CELF2: variants seen among roughly 807,000 people sequenced by gnomAD.
CELF2 encodes the protein CUGBP Elav-like family member 2, also known as CUG triplet repeat RNA-binding protein 2.
A neutral mutation model predicts 62.6 loss-of-function variants in CELF2; 8 were observed. The observed-to-expected ratio is 0.13, with a 90% confidence interval of 0.07 to 0.23. The LOEUF (loss-of-function observed/expected upper bound fraction) is 0.23. CELF2 is among the 10% of genes least tolerant of loss of function. The pLI is 1.00. For missense variants in CELF2, 333 were observed against 671.0 expected (o/e 0.50, Z 5.56); for synonymous variants, 258 against 250.0 (o/e 1.03, Z -0.30).
chr10:10,696,955 C>T, the CELF2 span, among the ~76,000 whole-genome samples: 76 of 152,296 alleles, frequency 5.0e-4, no homozygotes, highest in African/African-American at 1.7e-3. Context: ...GCGTCGCTCA[C>T]GCTGGGAGCT....
At chr10:10,889,512 C>G (rs925957491) in intron 1 of CELF2, among the ~76,000 whole-genome samples, 3 of 152,226 alleles carry the variant, frequency 2.0e-5, no homozygotes, top group East Asian at 1.9e-4. Flanking sequence ...TGCATATACT[C>G]TATCAGAACT....
the CELF2 span, among the ~76,000 whole-genome samples, chr10:10,749,279 T>G: frequency 6.6e-6 from 1 of 152,206 alleles, no homozygotes; most frequent in Non-Finnish European, 1.5e-5. Flanking sequence ...TTAGAGCTTC[T>G]GTGAGCGTGG....
At chr10:11,235,943 A>T (rs2071093503) in intron 3 of CELF2, among the ~76,000 whole-genome samples, 1 of 152,232 alleles carries the variant, frequency 6.6e-6, no homozygotes, top group African/African-American at 2.4e-5. Flanking sequence ...CCCAAAGGCC[A>T]TGGAGGTAAA....
At chr10:10,875,575 A>G (rs1049575915) in intron 1 of CELF2, among the ~76,000 whole-genome samples, 25 of 152,140 alleles carry the variant, frequency 1.6e-4, no homozygotes, top group Non-Finnish European at 2.4e-4. Context: ...GTAGCGTAGG[A>G]GGGTTGTTTC....
intron 8 of CELF2, among the ~76,000 whole-genome samples, chr10:11,283,236 A>G (rs1292279768): frequency 6.6e-6 from 1 of 152,166 alleles, no homozygotes; most frequent in African/African-American, 2.4e-5. Context: ...CATCGAATCA[A>G]AGACTTCAGG....
At chr10:11,005,287 A>AGAGAGG (rs1564348860), upstream of CELF2, 246 of 1,562,950 alleles carry the variant, frequency 1.6e-4, no homozygotes, top group Non-Finnish European at 1.7e-4. This position sits in a 1 kb window ranked among gnomAD's most constrained non-coding sequence, Gnocchi z 4.3. Context: ...AGAGAGAGAG[A>AGAGAGG]GAGAGAGGGA....
At position 11,300,696 on chromosome 10, in the gene CELF2, G is replaced by C. The variant is rs1332488381; in HGVS notation, c.976+12144G>C. Among the ~76,000 whole-genome samples, 1 of 152,196 alleles carries C rather than the reference G, an allele frequency of 6.6e-6. No individual in the cohort carries two copies. Among genetic ancestry groups the C allele is most frequent in the Non-Finnish European group, 1.5e-5 (1 of 68,044 alleles). ...CTAGTAATGCTAGTGCCTGTGTCAT[G>C]GCTTAATTATCCTACTTCCTCACAA... On this transcript the variant is annotated intron_variant, in intron 9 of 12. Coordinates refer to ENST00000633077, the MANE Select transcript of CELF2 (RefSeq NM_001326342.2). The surrounding 1 kb of genome is among the most constrained non-coding windows in gnomAD (Gnocchi z 5.5).
chr10:10,812,169 T>C (rs986641183), intron 1 of CELF2, among the ~76,000 whole-genome samples: 1 of 152,198 alleles, frequency 6.6e-6, no homozygotes, highest in Non-Finnish European at 1.5e-5. Flanking sequence ...CACAGTTCCA[T>C]GTGGCTGGGA....
chr10:10,558,924 A>C, the CELF2 span, among the ~76,000 whole-genome samples: 1 of 152,230 alleles, frequency 6.6e-6, no homozygotes, highest in Non-Finnish European at 1.5e-5. Context: ...TGCTAAAATT[A>C]TAAAATGTAC....
chr10:11,234,068 T>A (rs1394650150), intron 3 of CELF2, among the ~76,000 whole-genome samples: 1 of 152,194 alleles, frequency 6.6e-6, no homozygotes. Context: ...CTGGGACATT[T>A]TTGCTCATGT....
chr10:11,319,141 G>T lies in CELF2; in HGVS notation c.1097-2048G>T. 1 of 469,260 alleles carries T rather than the reference G, an allele frequency of 2.1e-6. No individual in the cohort carries two copies. 29.1% of individuals were successfully genotyped at this position (469,260 alleles called of 1,614,324 possible). A position where few individuals can be genotyped will look rare whatever the true frequency, so the allele number is the denominator to read the frequency against. On this transcript the variant is annotated intron_variant, in intron 10 of 12. Transcript: ENST00000633077. The surrounding 1 kb of genome is among the most constrained non-coding windows in gnomAD (Gnocchi z 4.4). ...TCTCCCGCCAGAATTTCCTCCACAC[G>T]GGCATCTGCATTTCCAGAGGACTGT...
the CELF2 span, among the ~76,000 whole-genome samples, chr10:10,583,101 AG>A: frequency 6.6e-6 from 1 of 152,220 alleles, no homozygotes; most frequent in African/African-American, 2.4e-5. Flanking sequence ...GGATAATGAA[AG>A]CTGTCTTCAA....
In CELF2 at chr10:11,262,972, C is replaced by G. The variant is rs192801600; in HGVS notation, c.539-3626C>G. Among the ~76,000 whole-genome samples, 25 of 32,642 alleles carry G rather than the reference C, an allele frequency of 7.7e-4. No homozygotes were observed. In the East Asian group the frequency reaches 0.042, roughly 54 times the overall value. The allele number at this position is 32,642 out of a possible 152,430, so 21.4% of individuals were successfully genotyped here. On this transcript the variant is annotated intron_variant, in intron 5 of 12. Transcript: ENST00000633077. ...TTTTTTTTTTTTTTTTTTTTTGGTG[C>G]AGAGCAAGAATTCATCTAGTTCTCA...
chr10:10,504,031 C>T, the CELF2 span, among the ~76,000 whole-genome samples: 4 of 151,936 alleles, frequency 2.6e-5, no homozygotes, highest in Non-Finnish European at 5.9e-5. Flanking sequence ...CTTACAACAC[C>T]CCTGTTTATA....
At chr10:10,856,810 A>G (rs966213160) in intron 1 of CELF2, among the ~76,000 whole-genome samples, 13 of 152,180 alleles carry the variant, frequency 8.5e-5, no homozygotes, top group African/African-American at 2.7e-4. Flanking sequence ...TTGCTGTAGT[A>G]TCTTCCGTCT....
chr10:11,208,804 G>A, intron 2 of CELF2, among the ~76,000 whole-genome samples: 1 of 152,166 alleles, frequency 6.6e-6, no homozygotes, highest in Non-Finnish European at 1.5e-5. Flanking sequence ...CTGGGACTGA[G>A]AGACAGGAGG....
At chr10:11,259,500 A>G (rs551710514) in intron 5 of CELF2, among the ~76,000 whole-genome samples, 1 of 152,062 alleles carries the variant, frequency 6.6e-6, no homozygotes, top group Admixed American at 6.5e-5. Flanking sequence ...ATTTTGTTAT[A>G]TAACACTCAC....
chr10:10,625,616 T>C, the CELF2 span, among the ~76,000 whole-genome samples: 6 of 152,200 alleles, frequency 3.9e-5, no homozygotes, highest in African/African-American at 1.4e-4. Context: ...TGAAAACTTC[T>C]TACTTGATCA....
At chr10:10,836,536 G>T (rs539294309) in intron 1 of CELF2, among the ~76,000 whole-genome samples, 1 of 152,354 alleles carries the variant, frequency 6.6e-6, no homozygotes, top group Non-Finnish European at 1.5e-5. Context: ...GGCAATGTAT[G>T]CAGGCGAATC....
Sources: allele counts gnomAD v4.1 joint callset (sites outside exome capture counted in the v4.1 genomes callset), GRCh38; gene constraint gnomAD v4.1.1; non-coding constraint Gnocchi (gnomAD v3.1); transcripts MANE v1.5; gene names NCBI Gene and HGNC (gene_info 2026-07-23, HGNC 2026-07-21).